ASTN2: variants seen among roughly 807,000 people sequenced by gnomAD.
ASTN2 encodes the protein astrotactin-2.
A neutral mutation model predicts 139.8 loss-of-function variants in ASTN2; 54 were observed. That is an observed-to-expected ratio of 0.39 (90% CI 0.31 to 0.48). The LOEUF (loss-of-function observed/expected upper bound fraction) is 0.48, where lower values mean the gene tolerates loss of function less well. Among genes scored for constraint, ASTN2 ranks in the 20% least tolerant of loss-of-function variants. ASTN2 has a pLI of 0.95. For synonymous variants in ASTN2, 756 were observed against 719.5 expected (o/e 1.05, Z -0.81); for missense variants, 1,565 against 1,725.1 (o/e 0.91, Z 1.64).
At chr9:116,466,998 G>C (rs534309737) in intron 20 of ASTN2, among the ~76,000 whole-genome samples, 58 of 152,112 alleles carry the variant, frequency 3.8e-4, no homozygotes, top group Non-Finnish European at 6.3e-4. Flanking sequence ...AATGTGGTTT[G>C]GGTGGGACTG....
At chr9:116,456,926 G>C (rs192851442) in intron 20 of ASTN2, among the ~76,000 whole-genome samples, 1 of 152,172 alleles carries the variant, frequency 6.6e-6, no homozygotes, top group East Asian at 1.9e-4. Context: ...AAAACTGGAG[G>C]AATCACATTA....
At chr9:116,820,383 A>G (rs911886585) in intron 12 of ASTN2, among the ~76,000 whole-genome samples, 1 of 152,186 alleles carries the variant, frequency 6.6e-6, no homozygotes, top group Non-Finnish European at 1.5e-5. Flanking sequence ...CATGGGTTAT[A>G]TTTATTACAT....
At chr9:117,410,929 G>A (rs1358515561) in intron 1 of ASTN2, among the ~76,000 whole-genome samples, 3 of 152,206 alleles carry the variant, frequency 2.0e-5, no homozygotes, top group Non-Finnish European at 2.9e-5. Context: ...GGTAGCTGAA[G>A]TTCCTTTGGA....
chr9:116,553,743 C>T (rs1196383053), intron 19 of ASTN2, among the ~76,000 whole-genome samples: 1 of 152,150 alleles, frequency 6.6e-6, no homozygotes, highest in African/African-American at 2.4e-5. Context: ...AGCCACATTG[C>T]CAGTACTCAA....
chr9:117,035,328 T>A (rs1838355374), intron 6 of ASTN2, among the ~76,000 whole-genome samples: 1 of 152,152 alleles, frequency 6.6e-6, no homozygotes, highest in Admixed American at 6.6e-5. Context: ...AATACATATA[T>A]GTAAAATATC....
intron 19 of ASTN2, among the ~76,000 whole-genome samples, chr9:116,490,758 A>G (rs1412980511): frequency 6.6e-6 from 1 of 152,052 alleles, no homozygotes; most frequent in East Asian, 1.9e-4. Flanking sequence ...GCATGGGGTA[A>G]CCACCCCCAT....
intron 22 of ASTN2, 48 bp from the exon 23 acceptor site, chr9:116,426,136 A>T: frequency 6.3e-7 from 1 of 1,598,674 alleles, no homozygotes; most frequent in South Asian, 1.1e-5. Context: ...CCAGATCAAG[A>T]GTTAGACCTT....
At chr9:117,013,095 A>G (rs1470256131) in intron 6 of ASTN2, among the ~76,000 whole-genome samples, 2 of 151,852 alleles carry the variant, frequency 1.3e-5, no homozygotes, top group Non-Finnish European at 2.9e-5. Context: ...GGCTTCATTT[A>G]ACTCTACAAT....
intron 19 of ASTN2, among the ~76,000 whole-genome samples, chr9:116,522,785 G>A (rs985855500): frequency 5.3e-5 from 8 of 152,120 alleles, no homozygotes; most frequent in Non-Finnish European, 7.4e-5. Context: ...GAAAACTGAG[G>A]TTGTATGACT....
At chr9:116,803,450 G>A (rs1480639885) in intron 13 of ASTN2, among the ~76,000 whole-genome samples, 1 of 135,864 alleles carries the variant, frequency 7.4e-6, no homozygotes, top group African/African-American at 2.7e-5. Flanking sequence ...CAAGTAGCTG[G>A]GACTACAGAC....
intron 20 of ASTN2, among the ~76,000 whole-genome samples, chr9:116,445,327 T>C (rs888401): frequency 0.38 from 58,491 of 152,042 alleles, 11,882 homozygotes; most frequent in East Asian, 0.66. Flanking sequence ...ATAAAAGCAC[T>C]TATTTGTGCA....
At chr9:116,809,042 T>C (rs1195472465) in intron 12 of ASTN2, among the ~76,000 whole-genome samples, 1 of 152,104 alleles carries the variant, frequency 6.6e-6, no homozygotes, top group Non-Finnish European at 1.5e-5. Context: ...TGGGTAGTTA[T>C]CCTTCACCTT....
intron 3 of ASTN2, among the ~76,000 whole-genome samples, chr9:117,204,753 A>AAAAACC (rs910573669): frequency 2.0e-5 from 3 of 152,242 alleles, no homozygotes; most frequent in African/African-American, 7.2e-5. Flanking sequence ...GGCTGTTAAA[A>AAAAACC]AAAACCAAAC....
At chr9:116,906,808 C>G (rs1179469076) in intron 10 of ASTN2, among the ~76,000 whole-genome samples, 1 of 152,080 alleles carries the variant, frequency 6.6e-6, no homozygotes, top group East Asian at 1.9e-4. Flanking sequence ...TGAGGTAATT[C>G]AACCAGCAAA....
At chr9:117,081,553 T>C (rs1299605063) in intron 5 of ASTN2, among the ~76,000 whole-genome samples, 1 of 152,176 alleles carries the variant, frequency 6.6e-6, no homozygotes, top group African/African-American at 2.4e-5. Context: ...CATAATTAGA[T>C]TACATTATAT....
At chr9:117,019,729 G>A (rs544490578) in intron 6 of ASTN2, among the ~76,000 whole-genome samples, 1 of 152,246 alleles carries the variant, frequency 6.6e-6, no homozygotes, top group African/African-American at 2.4e-5. Context: ...GTGAAATGTA[G>A]TCTGAAGGAG....
At chr9:117,245,675 T>C (rs1833359471) in intron 2 of ASTN2, among the ~76,000 whole-genome samples, 1 of 152,164 alleles carries the variant, frequency 6.6e-6, no homozygotes, top group South Asian at 2.1e-4. Context: ...TTTCCCTCTA[T>C]AGTTTTTTAA....
In ASTN2 at chr9:117,186,736, C is replaced by T. The variant is rs1012387956; in HGVS notation, c.1015+27622G>A. The stretch of plus-strand genomic sequence containing the variant: ...TTATTTATTTGCTTTCTATACAGTG[C>T]CAGGCAATGTTCTAAACAAGAAGCA... On this transcript the variant is annotated intron_variant, in intron 3 of 22. Transcript: ENST00000313400. 5.3e-5 allele frequency among the ~76,000 whole-genome samples: 8 copies of T among 152,210 alleles called. No homozygotes were observed. The East Asian group carries it at 9.6e-4, about 18-fold the overall frequency.
chr9:116,446,594 C>A (rs1012129791), intron 20 of ASTN2, among the ~76,000 whole-genome samples: 1 of 152,154 alleles, frequency 6.6e-6, no homozygotes, highest in African/African-American at 2.4e-5. Flanking sequence ...CCTGGCTGAT[C>A]GAGGTCCAAG....
Sources: gnomAD v4.1 joint callset for allele counts (sites outside exome capture counted in the v4.1 genomes callset) on GRCh38, gnomAD v4.1.1 for gene constraint, MANE v1.5 for transcripts, NCBI Gene and HGNC (gene_info 2026-07-23, HGNC 2026-07-21) for gene names.